BIRC6: variants seen among roughly 807,000 people sequenced by gnomAD.
BIRC6 encodes the protein dual E2 ubiquitin-conjugating enzyme/E3 ubiquitin-protein ligase BIRC6.
A neutral mutation model predicts 503.3 loss-of-function variants in BIRC6; 98 were observed. That is an observed-to-expected ratio of 0.19 (90% confidence interval 0.17 to 0.23). The LOEUF (loss-of-function observed/expected upper bound fraction) is 0.23, where lower values mean the gene tolerates loss of function less well. Ranked by LOEUF, BIRC6 falls within the 10% of genes least tolerant of loss-of-function variation. The pLI, the probability that BIRC6 is intolerant of heterozygous loss-of-function variation, is 1.00. For missense variants in BIRC6, 5,360 were observed against 5,806.0 expected (o/e 0.92, Z 2.50); for synonymous variants, 2,240 against 2,078.7 (o/e 1.08, Z -2.11).
intron 15 of BIRC6, among the ~76,000 whole-genome samples, chr2:32,437,490 T>G (rs2044857464): frequency 6.6e-6 from 1 of 152,222 alleles, no homozygotes; most frequent in African/African-American, 2.4e-5. Flanking sequence ...TGTGTACATT[T>G]GCTTCCTAAT....
intron 16 of BIRC6, among the ~76,000 whole-genome samples, chr2:32,439,920 C>T (rs542550041): frequency 6.6e-6 from 1 of 152,124 alleles, no homozygotes; most frequent in South Asian, 2.1e-4. Flanking sequence ...ACTCTTTCCC[C>T]CAGGCTGGAA....
intron 1 of BIRC6, among the ~76,000 whole-genome samples, chr2:32,359,346 G>T (rs904501618): frequency 6.6e-6 from 1 of 152,208 alleles, no homozygotes; most frequent in Non-Finnish European, 1.5e-5. Flanking sequence ...CCATGTTTGA[G>T]AATAATAATG....
chr2:32,453,022 C>T lies in BIRC6; in HGVS notation c.4619-786C>T, dbSNP rs141132187. On this transcript the variant is annotated intron_variant, in intron 22 of 73. Coordinates refer to ENST00000421745, the MANE Select transcript of BIRC6 (RefSeq NM_016252.4). The stretch of plus-strand genomic sequence containing the variant: ...TCCCCATTCTTTTCATCTGTGAATT[C>T]TGTTTTGCTTTGTGATTTAAATAAT... Among the ~76,000 whole-genome samples, 518 of 150,798 alleles carry T rather than the reference C, an allele frequency of 3.4e-3. 3 individuals are homozygous for T. The highest frequency in any genetic ancestry group is 0.012 in the African/African-American group (494 of 40,988).
At chr2:32,468,291 G>C (rs2048771891) in intron 28 of BIRC6, 146 bp from the exon 29 acceptor site, 4 of 914,154 alleles carry the variant, frequency 4.4e-6, no homozygotes, top group East Asian at 2.6e-5. Context: ...TAATTAATGG[G>C]CTCCATTTAT....
chr2:32,604,120 A>G (rs1301402802), intron 71 of BIRC6, among the ~76,000 whole-genome samples: 1 of 152,148 alleles, frequency 6.6e-6, no homozygotes, highest in African/African-American at 2.4e-5. Context: ...GTTCTATATT[A>G]TAAAGTTATG....
intron 3 of BIRC6, among the ~76,000 whole-genome samples, chr2:32,382,386 G>C (rs1267020134): frequency 6.6e-6 from 1 of 152,228 alleles, no homozygotes; most frequent in Non-Finnish European, 1.5e-5. Context: ...CTGAAGACTG[G>C]AAGAATCAAC....
At chr2:32,409,028 G>T (rs1162550708) in intron 9 of BIRC6, among the ~76,000 whole-genome samples, 1 of 152,144 alleles carries the variant, frequency 6.6e-6, no homozygotes, top group East Asian at 1.9e-4. Flanking sequence ...TATCTAAAAA[G>T]TGATAAGGTA....
intron 15 of BIRC6, among the ~76,000 whole-genome samples, chr2:32,436,437 C>G (rs913205101): frequency 2.0e-5 from 3 of 152,138 alleles, no homozygotes; most frequent in Non-Finnish European, 4.4e-5. Flanking sequence ...TACAGGATGA[C>G]TTAGTGTGAC....
intron 3 of BIRC6, among the ~76,000 whole-genome samples, chr2:32,380,824 T>G (rs1290347573): frequency 6.6e-6 from 1 of 152,222 alleles, no homozygotes; most frequent in Non-Finnish European, 1.5e-5. Flanking sequence ...TTTCTGATGC[T>G]TCCTTAAATC....
At chr2:32,519,946 C>T (rs991891215) in intron 57 of BIRC6, among the ~76,000 whole-genome samples, 4 of 152,212 alleles carry the variant, frequency 2.6e-5, no homozygotes, top group Non-Finnish European at 5.9e-5. Flanking sequence ...ATGAGCAAGA[C>T]ACACATTCCA....
In BIRC6 at chr2:32,529,662, C is replaced by T; in HGVS notation, c.11932C>T (p.Pro3978Ser). Residue 3978 changes from proline to serine, a missense_variant, in exon 60 of 74, where the codon CCA (proline) becomes TCA (serine). Pro to Ser is a moderately conservative substitution (Grantham distance 74). Transcript: ENST00000421745. ...FHKLLAGQPLPAEMTLAQLLT... is the reference protein window; with the variant it reads ...FHKLLAGQPLSAEMTLAQLLT... ...TTATATCATTTTAGGCCAGCCATTGCCAGCTGAAATGACACTTGCCCAGCT... is the reference window on the plus strand; with the variant it reads ...TTATATCATTTTAGGCCAGCCATTGTCAGCTGAAATGACACTTGCCCAGCT... 1 of 1,589,952 alleles carries T rather than the reference C, an allele frequency of 6.3e-7. No individual in the cohort carries two copies. Among genetic ancestry groups the T allele is most frequent in the Non-Finnish European group, 8.5e-7 (1 of 1,170,058 alleles).
chr2:32,375,975 G>A (rs1033754439), intron 1 of BIRC6, among the ~76,000 whole-genome samples: 1 of 152,018 alleles, frequency 6.6e-6, no homozygotes, highest in Non-Finnish European at 1.5e-5. Flanking sequence ...CAGGAGGTCA[G>A]GAGATCGAGA....
chr2:32,508,323 G>A, intron 51 of BIRC6, 64 bp downstream of exon 51: 1 of 1,390,416 alleles, frequency 7.2e-7, no homozygotes. Context: ...GGGAGATAGG[G>A]GACTTAATTA....
At chr2:32,514,170 A>T (rs1401805262) in intron 54 of BIRC6, among the ~76,000 whole-genome samples, 2 of 152,094 alleles carry the variant, frequency 1.3e-5, no homozygotes, top group Admixed American at 1.3e-4. Flanking sequence ...AAAAATTAAA[A>T]ATTAGCCAGG....
intron 23 of BIRC6, among the ~76,000 whole-genome samples, chr2:32,455,302 C>T (rs1366452459): frequency 6.8e-6 from 1 of 146,150 alleles, no homozygotes; most frequent in Non-Finnish European, 1.5e-5. Context: ...ATGGCGTGAA[C>T]GTGAGAGGTG....
At position 32,464,621 on chromosome 2, in the gene BIRC6, G is replaced by A; in HGVS notation, c.5054G>A (p.Gly1685Glu). 1 of 1,613,840 alleles carries A rather than the reference G, an allele frequency of 6.2e-7. No individual in the cohort carries two copies. The highest frequency in any genetic ancestry group is 8.5e-7 in the Non-Finnish European group (1 of 1,179,842). The change falls in exon 25 of 74, where the codon GGA becomes GAA. Residue 1685 changes from glycine (G) to glutamate (E), a missense_variant. Transcript: ENST00000421745. ...SVPSNPVAAP[G>E]FFIHPSDVIP... ...CCTTCCAACCCAGTGGCTGCCCCTG[G>A]ATTCTTCATTCATCCATCTGATGTT...
intron 70 of BIRC6, among the ~76,000 whole-genome samples, chr2:32,601,248 A>G (rs1333914238): frequency 6.6e-6 from 1 of 152,264 alleles, no homozygotes; most frequent in South Asian, 2.1e-4. Flanking sequence ...TTCACAGAGC[A>G]TTGAAAGAGT....
In BIRC6 at chr2:32,543,261, A is replaced by G; in HGVS notation, c.12312A>G (p.Thr4104=). The G allele has an allele frequency of 1.2e-6, 2 of 1,613,982 alleles. No individual in the cohort carries two copies. Among genetic ancestry groups the G allele is most frequent in the Non-Finnish European group, 1.7e-6 (2 of 1,179,848 alleles). The part of the protein sequence containing the change: ...VIQQVSAPVV[T]STTQEKPKDS... ...TTTAGGTGAGTGCTCCAGTTGTAAC[A>G]TCTACCACTCAGGAAAAGCCGAAGG... The change falls in exon 62 of 74, where the codon ACA becomes ACG. Residue 4104 remains threonine (T), a synonymous_variant. Transcript: ENST00000421745.
Position 32,477,437 on chromosome 2 carries a change from A to T in BIRC6, c.6922A>T (p.Thr2308Ser). The change falls in exon 35 of 74, where the codon ACA becomes TCA. Residue 2308 changes from threonine (T) to serine (S), a missense_variant. This residue lies in a region of BIRC6 where 2,299 missense variants were observed against 2,267.2 expected (regional missense o/e 1.01). Transcript: ENST00000421745. ...WSRSNLDTEV[T>S]TAKESPEIEP... ...CCGTTCTAATTTAGACACAGAAGTTACAACAGCAAAAGAAAGTCCTGAGAT... is the reference window on the plus strand; with the variant it reads ...CCGTTCTAATTTAGACACAGAAGTTTCAACAGCAAAAGAAAGTCCTGAGAT... The T allele has an allele frequency of 6.2e-7, 1 of 1,614,044 alleles. No individual in the cohort carries two copies. Among genetic ancestry groups the T allele is most frequent in the Non-Finnish European group, 8.5e-7 (1 of 1,179,898 alleles).
Sources: gnomAD v4.1 joint callset for allele counts (sites outside exome capture counted in the v4.1 genomes callset) on GRCh38, gnomAD v4.1.1 for gene constraint, gnomAD v4.1.1 regional missense constraint, MANE v1.5 for transcripts, NCBI Gene and HGNC (gene_info 2026-07-23, HGNC 2026-07-21) for gene names.